The following RIPK2 variants were observed in gnomAD, a reference collection of about 807,000 sequenced individuals.
The protein encoded by RIPK2 is receptor interacting serine/threonine kinase 2.
Under a neutral mutation model 60.9 loss-of-function variants are expected in RIPK2, and 38 were observed. That is an observed-to-expected ratio of 0.62 (90% CI 0.48 to 0.82). RIPK2 has a LOEUF of 0.82. Ranked by LOEUF, RIPK2 falls within the 40% of genes least tolerant of loss-of-function variation. The probability of loss-of-function intolerance (pLI) is 0.00; values close to 1 mark genes in which losing one functional copy is unlikely to be tolerated. For synonymous variants in RIPK2, 225 were observed against 223.4 expected (o/e 1.01, Z -0.06); for missense variants, 518 against 647.0 (o/e 0.80, Z 2.16).
At chr8:89,785,825 T>G (rs1268001185) in intron 8 of RIPK2, among the ~76,000 whole-genome samples, 4 of 152,128 alleles carry the variant, frequency 2.6e-5, no homozygotes, top group African/African-American at 9.7e-5. Context: ...GCCAGAGAGG[T>G]TAAATACCTT....
intron 7 of RIPK2, chr8:89,780,792 GGTTT>G (rs1265931653): frequency 6.6e-6 from 1 of 151,754 alleles, no homozygotes; most frequent in Admixed American, 6.6e-5. Flanking sequence ...GTGTGTTTGT[GGTTT>G]GTTTTTTCAT....
chr8:89,776,354 CTT>C (rs1809398470), intron 6 of RIPK2, among the ~76,000 whole-genome samples: 1 of 152,308 alleles, frequency 6.6e-6, no homozygotes, highest in East Asian at 1.9e-4. Context: ...AATTCTCAAA[CTT>C]AGATCTCAAG....
chr8:89,784,162 A>G, intron 8 of RIPK2, 23 bp downstream of exon 8: 1 of 1,093,350 alleles, frequency 9.1e-7, no homozygotes, highest in Non-Finnish European at 1.3e-6. Context: ...AAAAAAAAAA[A>G]AAGGTTATAT....
chr8:89,778,574 C>T (rs1290294441), intron 6 of RIPK2, among the ~76,000 whole-genome samples: 5 of 152,108 alleles, frequency 3.3e-5, no homozygotes, highest in Non-Finnish European at 5.9e-5. Context: ...ATGTGTGGTC[C>T]TTTTGCATCT....
intron 6 of RIPK2, among the ~76,000 whole-genome samples, chr8:89,774,658 C>G (rs950086374): frequency 6.6e-6 from 1 of 152,070 alleles, no homozygotes; most frequent in Non-Finnish European, 1.5e-5. Flanking sequence ...ACTACTACAA[C>G]AATACATGAA....
At chr8:89,763,631 TG>T (rs1809180479) in intron 2 of RIPK2, among the ~76,000 whole-genome samples, 1 of 152,182 alleles carries the variant, frequency 6.6e-6, no homozygotes, top group Non-Finnish European at 1.5e-5. Context: ...TTTTGAGGGT[TG>T]GCTTAATTAA....
chr8:89,772,630 T>C (rs1809332504), intron 5 of RIPK2, 37 bp from the exon 6 acceptor site: 1 of 1,435,226 alleles, frequency 7.0e-7, no homozygotes, highest in Non-Finnish European at 9.6e-7. Flanking sequence ...TTAATCATAA[T>C]ATATTACTAA....
In RIPK2 at chr8:89,790,429, C is replaced by G. The variant is rs773213541; in HGVS notation, c.*13C>G. On this transcript the variant is annotated 3_prime_UTR_variant, in exon 11 of 11. Transcript: ENST00000220751. ...TAAAAGCATGTAAGTGACTGTTTTT[C>G]AAGAAGAAATGTGTTTCATAAAAGG... The G allele has an allele frequency of 1.8e-5, 27 of 1,523,956 alleles. No individual in the cohort carries two copies. Among genetic ancestry groups the G allele is most frequent in the African/African-American group, 1.4e-5 (1 of 71,744 alleles). The allele number at this position is 1,523,956 out of a possible 1,614,324, so 94.4% of individuals were successfully genotyped here.
intron 2 of RIPK2, among the ~76,000 whole-genome samples, chr8:89,763,690 A>AGT (rs1401278573): frequency 1.3e-5 from 2 of 152,214 alleles, no homozygotes; most frequent in African/African-American, 4.8e-5. Context: ...CATAAATGAT[A>AGT]GTGTAACACA....
chr8:89,778,057 T>G (rs1809430668), intron 6 of RIPK2, among the ~76,000 whole-genome samples: 1 of 151,676 alleles, frequency 6.6e-6, no homozygotes, highest in African/African-American at 2.4e-5. Flanking sequence ...AAGTTCACAA[T>G]GAAAGAAATT....
chr8:89,769,485 C>G (rs1418668962), intron 3 of RIPK2, among the ~76,000 whole-genome samples: 1 of 151,668 alleles, frequency 6.6e-6, no homozygotes, highest in Non-Finnish European at 1.5e-5. Flanking sequence ...TTGAGAATAT[C>G]AGACAAAAAA....
In RIPK2 at chr8:89,784,069, C is replaced by T. The variant is rs201291360; in HGVS notation, c.959C>T (p.Ala320Val). 6 of 1,577,922 alleles carry T rather than the reference C, an allele frequency of 3.8e-6. No homozygotes were observed. In the East Asian group the frequency reaches 9.1e-5, roughly 24 times the overall value. The stretch of plus-strand genomic sequence containing the variant: ...TTACAGTTACAGAGTGTTTCAAGTG[C>T]CATTCACCTATGTGACAAGAAGAAA... ...KKTKLQSVSS[A>V]IHLCDKKKME... is the part of the protein sequence containing the mutation. The change falls in exon 8 of 11, where the codon GCC (alanine) becomes GTC (valine). Residue 320 changes from alanine to valine, a missense_variant. Transcript: ENST00000220751.
At chr8:89,760,586 T>C (rs1264203547) in intron 1 of RIPK2, among the ~76,000 whole-genome samples, 2 of 152,180 alleles carry the variant, frequency 1.3e-5, no homozygotes, top group Non-Finnish European at 2.9e-5. Flanking sequence ...AGCAATAGGG[T>C]AGAAAGAATG....
intron 1 of RIPK2, among the ~76,000 whole-genome samples, chr8:89,762,146 C>T (rs1025527378): frequency 1.3e-5 from 2 of 151,830 alleles, no homozygotes; most frequent in Non-Finnish European, 2.9e-5. Flanking sequence ...TGTGATCACA[C>T]CACTGCACTC....
chr8:89,789,859 T>C (rs947424354), intron 10 of RIPK2, among the ~76,000 whole-genome samples: 3 of 152,170 alleles, frequency 2.0e-5, no homozygotes, highest in African/African-American at 7.2e-5. Flanking sequence ...ATTTATACCA[T>C]AGGAAAAGGC....
At chr8:89,759,069 C>T (rs1037793815) in intron 1 of RIPK2, among the ~76,000 whole-genome samples, 1 of 152,138 alleles carries the variant, frequency 6.6e-6, no homozygotes, top group African/African-American at 2.4e-5. Flanking sequence ...TTCAGTTTCT[C>T]CCAGTCTCAG....
intron 7 of RIPK2, among the ~76,000 whole-genome samples, chr8:89,783,076 A>G (rs1809526669): frequency 6.6e-6 from 1 of 152,242 alleles, no homozygotes; most frequent in South Asian, 2.1e-4. Context: ...ACACAGATGA[A>G]TAAGAGTAAT....
intron 2 of RIPK2, among the ~76,000 whole-genome samples, chr8:89,764,569 T>C (rs1177886175): frequency 3.3e-5 from 5 of 152,188 alleles, no homozygotes; most frequent in African/African-American, 1.2e-4. Flanking sequence ...AGTATGTTCA[T>C]TCTCCTGGGA....
intron 4 of RIPK2, 48 bp downstream of exon 4, chr8:89,769,977 A>G (rs1436970599): frequency 2.1e-6 from 3 of 1,406,076 alleles, no homozygotes; most frequent in Non-Finnish European, 2.9e-6. Flanking sequence ...CTCAGACACA[A>G]AATTAGTCAA....
Sources: allele counts gnomAD v4.1 joint callset (sites outside exome capture counted in the v4.1 genomes callset), GRCh38; gene constraint gnomAD v4.1.1; transcripts MANE v1.5; gene names NCBI Gene and HGNC (gene_info 2026-07-23, HGNC 2026-07-21).